The following UBASH3B variants were observed in gnomAD, a reference collection of about 807,000 sequenced individuals.
UBASH3B encodes ubiquitin-associated and SH3 domain-containing protein B.
Under a neutral mutation model 83.4 loss-of-function variants are expected in UBASH3B, and 37 were observed. That is an observed-to-expected ratio of 0.44 (90% CI 0.34 to 0.58). UBASH3B has a LOEUF of 0.58. Ranked by LOEUF, UBASH3B falls within the 20% of genes least tolerant of loss-of-function variation. The pLI is 0.01. For synonymous variants in UBASH3B, 304 were observed against 318.3 expected, an observed-to-expected ratio of 0.96 and a Z score of 0.48; for missense variants, 657 against 827.2, an observed-to-expected ratio of 0.79 and a Z score of 2.52.
intron 1 of UBASH3B, among the ~76,000 whole-genome samples, chr11:122,662,189 G>A (rs1209067675): frequency 1.3e-5 from 2 of 151,796 alleles, no homozygotes; most frequent in Admixed American, 1.3e-4. Flanking sequence ...TTACAGGTGG[G>A]AGCCACCCTG....
At chr11:122,693,762 A>G (rs1345512363) in intron 1 of UBASH3B, among the ~76,000 whole-genome samples, 1 of 152,118 alleles carries the variant, frequency 6.6e-6, no homozygotes, top group Non-Finnish European at 1.5e-5. Flanking sequence ...AATCCTAACT[A>G]CTGAGGAGGC....
At chr11:122,719,949 G>A (rs1242852940) in intron 1 of UBASH3B, among the ~76,000 whole-genome samples, 2 of 152,128 alleles carry the variant, frequency 1.3e-5, no homozygotes, top group Non-Finnish European at 2.9e-5. Context: ...CTACTGCAGT[G>A]CCTGCTTCTG....
At chr11:122,754,021 G>T (rs1161831943) in intron 1 of UBASH3B, among the ~76,000 whole-genome samples, 1 of 152,164 alleles carries the variant, frequency 6.6e-6, no homozygotes, top group Non-Finnish European at 1.5e-5. Context: ...CTCTGACATG[G>T]TAGCCACTAG....
chr11:122,786,051 T>C (rs1565564974), intron 5 of UBASH3B, among the ~76,000 whole-genome samples: 1 of 152,032 alleles, frequency 6.6e-6, no homozygotes, highest in Non-Finnish European at 1.5e-5. Context: ...TTTTGTTTTT[T>C]GTTTTTTGTT....
rs560570413 is a variant in UBASH3B at position 122,683,955 on chromosome 11, G to A, written c.161+27745G>A. 1.4e-4 allele frequency among the ~76,000 whole-genome samples: 22 copies of A among 152,260 alleles called. No homozygotes were observed. The South Asian group carries it at 4.6e-3, about 32-fold the overall frequency. On this transcript the variant is annotated intron_variant, in intron 1 of 13. Transcript: ENST00000284273. ...GCTGATTGCAGCCCTGGATGGCAGG[G>A]AACATCTATTTCTTGTAGTTCCTTT...
At chr11:122,792,701 TGAA>T (rs1861081643) in intron 6 of UBASH3B, among the ~76,000 whole-genome samples, 1 of 152,240 alleles carries the variant, frequency 6.6e-6, no homozygotes, top group East Asian at 1.9e-4. Flanking sequence ...TTATACTGTG[TGAA>T]CGGCACAAGA....
chr11:122,701,448 C>T (rs377116694), intron 1 of UBASH3B, among the ~76,000 whole-genome samples: 38 of 152,272 alleles, frequency 2.5e-4, no homozygotes, highest in African/African-American at 9.1e-4. Context: ...TGCTGGTCAC[C>T]CGATGGGGAT....
intron 1 of UBASH3B, among the ~76,000 whole-genome samples, chr11:122,683,239 CAAAA>C (rs59693425): frequency 1.5e-5 from 2 of 132,920 alleles, no homozygotes; most frequent in Non-Finnish European, 1.6e-5. Context: ...GACCTTGTTT[CAAAA>C]AAAAAAAAAA....
intron 1 of UBASH3B, among the ~76,000 whole-genome samples, chr11:122,760,807 A>G (rs1861359101): frequency 6.6e-6 from 1 of 152,208 alleles, no homozygotes; most frequent in Admixed American, 6.5e-5. Flanking sequence ...GAAGAGTTTA[A>G]AAAGTAGGAT....
Position 122,809,803 on chromosome 11 carries a change from C to G in UBASH3B, c.1867C>G (p.Gln623Glu), listed in dbSNP as rs1861406543. The change falls in exon 14 of 14, where the codon CAG (glutamine) becomes GAG (glutamate). Residue 623 changes from glutamine to glutamate, a missense_variant. Around this residue, in one of 3 missense-constraint regions of UBASH3B, gnomAD observed 573 missense variants for 739.0 expected, o/e 0.78. Transcript: ENST00000284273. ...CEELGETGIW[Q>E]LTDPPILPLT... ...AGAATTAGGAGAAACTGGAATATGG[C>G]AGCTGACAGATCCACCAATCCTTCC... The G allele has an allele frequency of 6.2e-7, 1 of 1,614,038 alleles. No homozygotes were observed. Among genetic ancestry groups the G allele is most frequent in the Non-Finnish European group, 8.5e-7 (1 of 1,180,004 alleles).
Position 122,656,150 on chromosome 11 carries a change from CCATCAAG to C in UBASH3B, c.105_111del (p.Ile35MetfsTer64). ...AGGAACCGCCAACAGCGCCCCGGCA[CCATCAAG>C]CATGGATCGGCGCTGGACGTGCTCC... On this transcript the variant is annotated frameshift_variant, in exon 1 of 14. Transcript: ENST00000284273. LOFTEE classifies it high-confidence loss of function. The C allele has an allele frequency of 6.3e-7, 1 of 1,586,126 alleles. No homozygotes were observed. The highest frequency in any genetic ancestry group is 8.6e-7 in the Non-Finnish European group (1 of 1,167,336).
At chr11:122,728,967 G>T (rs1365033930) in intron 1 of UBASH3B, among the ~76,000 whole-genome samples, 1 of 151,578 alleles carries the variant, frequency 6.6e-6, no homozygotes, top group Non-Finnish European at 1.5e-5. Context: ...GTCAGACGGG[G>T]ACAGAGAGTG....
intron 1 of UBASH3B, among the ~76,000 whole-genome samples, chr11:122,675,865 A>G (rs1484814821): frequency 1.3e-5 from 2 of 152,234 alleles, no homozygotes; most frequent in Non-Finnish European, 2.9e-5. Context: ...CTTCTTTACA[A>G]TTAAATAGAG....
chr11:122,696,625 CTG>C (rs139581099), intron 1 of UBASH3B, among the ~76,000 whole-genome samples: 4,308 of 152,236 alleles, frequency 0.028, 199 homozygotes, highest in African/African-American at 0.099. Flanking sequence ...ATTTCTAAAT[CTG>C]TATTTTCAAA....
At chr11:122,745,348 G>T (rs182642654) in intron 1 of UBASH3B, among the ~76,000 whole-genome samples, 3 of 152,172 alleles carry the variant, frequency 2.0e-5, no homozygotes, top group Non-Finnish European at 4.4e-5. Flanking sequence ...AGGGGTCAGT[G>T]CATTCATTCA....
chr11:122,804,662 G>T (rs964098012), intron 11 of UBASH3B, among the ~76,000 whole-genome samples: 1 of 152,128 alleles, frequency 6.6e-6, no homozygotes, highest in Non-Finnish European at 1.5e-5. Flanking sequence ...CAGGACACTC[G>T]CACAGAGCCT....
In UBASH3B at chr11:122,656,066, AC is replaced by A; in HGVS notation, c.21del (p.Ser8ValfsTer93). 6.3e-7 allele frequency: 1 copy of A among 1,589,558 alleles called. No homozygotes were observed. Among genetic ancestry groups the A allele is most frequent in the Admixed American group, 1.7e-5 (1 of 58,350 alleles). ...CGCTGAGCCATGGCTCAGTACGGCCACCCCAGTCCGCTCGGCATGGCTGCGA... is the reference window on the plus strand; with the variant it reads ...CGCTGAGCCATGGCTCAGTACGGCCACCCAGTCCGCTCGGCATGGCTGCGA... MAQYGHPSPLGMAARE... is the reference protein window; with the variant it reads MAQYGXPSPLGMAARE... On this transcript the variant is annotated frameshift_variant, in exon 1 of 14. Transcript: ENST00000284273. LOFTEE classifies it high-confidence loss of function.
intron 1 of UBASH3B, among the ~76,000 whole-genome samples, chr11:122,676,849 C>T (rs889693497): frequency 6.6e-6 from 1 of 151,932 alleles, no homozygotes; most frequent in African/African-American, 2.4e-5. Context: ...TTGCCTCCCG[C>T]CCCCAGGCTC....
chr11:122,802,395 A>G (rs1387897433), intron 11 of UBASH3B, among the ~76,000 whole-genome samples: 1 of 151,984 alleles, frequency 6.6e-6, no homozygotes, highest in Non-Finnish European at 1.5e-5. Context: ...ATTTGTAAAA[A>G]TCTCTTTGAG....
Sources: gnomAD v4.1 joint callset for allele counts (sites outside exome capture counted in the v4.1 genomes callset) on GRCh38, gnomAD v4.1.1 for gene constraint, gnomAD v4.1.1 regional missense constraint, MANE v1.5 for transcripts, NCBI Gene and HGNC (gene_info 2026-07-23, HGNC 2026-07-21) for gene names.